The following PRICKLE2 variants were observed in gnomAD, a reference collection of about 807,000 sequenced individuals.
The protein encoded by PRICKLE2 is prickle-like protein 2.
In PRICKLE2, 21 loss-of-function variants were observed where a neutral mutation model predicts 81.4. The observed-to-expected ratio is 0.26, with a 90% CI of 0.18 to 0.37. The LOEUF is 0.37. Ranked by LOEUF, PRICKLE2 falls within the 10% of genes least tolerant of loss-of-function variation. PRICKLE2 has a pLI of 1.00. For synonymous variants in PRICKLE2, 456 were observed against 421.5 expected (o/e 1.08, Z -1.00); for missense variants, 940 against 1,109.0 (o/e 0.85, Z 2.16).
At chr3:64,213,843 G>C (rs1192198086) in intron 1 of PRICKLE2, among the ~76,000 whole-genome samples, 1 of 152,022 alleles carries the variant, frequency 6.6e-6, no homozygotes, top group East Asian at 1.9e-4. Flanking sequence ...AAGGCTCAAC[G>C]AGTTTGTGGA....
chr3:64,093,918 G>A lies in PRICKLE2; in HGVS notation c.*5133C>T, dbSNP rs1359990708. On this transcript the variant is annotated 3_prime_UTR_variant, in exon 8 of 8. Coordinates refer to ENST00000638394, the MANE Select transcript of PRICKLE2 (RefSeq NM_198859.4). ...GTTTACAAATGTATTACAGACATCA[G>A]TAAAACATCATATCCATTTTACAGG... 1 of 152,558 alleles carries A rather than the reference G, an allele frequency of 6.6e-6. No individual in the cohort carries two copies. The highest frequency in any genetic ancestry group is 1.5e-5 in the Non-Finnish European group (1 of 68,040). The allele number at this position is 152,558 out of a possible 1,614,324, so 9.5% of individuals were successfully genotyped here. A position where few individuals can be genotyped will look rare whatever the true frequency, so the allele number is the denominator to read the frequency against.
At chr3:64,203,692 TG>T (rs2078629365) in intron 1 of PRICKLE2, among the ~76,000 whole-genome samples, 1 of 151,280 alleles carries the variant, frequency 6.6e-6, no homozygotes, top group Non-Finnish European at 1.5e-5. Context: ...AAAGAGACGA[TG>T]GGGAGGGCTG....
At chr3:64,123,612 T>A (rs1384094449) in intron 7 of PRICKLE2, among the ~76,000 whole-genome samples, 1 of 152,242 alleles carries the variant, frequency 6.6e-6, no homozygotes, top group Non-Finnish European at 1.5e-5. Flanking sequence ...TCACTTTGTG[T>A]CTCTGTCACA....
intron 7 of PRICKLE2, among the ~76,000 whole-genome samples, chr3:64,122,862 G>A (rs1433793601): frequency 6.6e-6 from 1 of 152,168 alleles, no homozygotes; most frequent in East Asian, 1.9e-4. Context: ...TCTTCAGAAG[G>A]TCAGCACCTG....
At chr3:64,172,573 T>C (rs1320043369) in intron 2 of PRICKLE2, among the ~76,000 whole-genome samples, 1 of 152,234 alleles carries the variant, frequency 6.6e-6, no homozygotes, top group Non-Finnish European at 1.5e-5. Context: ...GAAGCATTAA[T>C]AAGAGGCTCA....
In PRICKLE2 at chr3:64,147,719, C is replaced by T. The variant is rs771788523; in HGVS notation, c.788-17G>A. The T allele has an allele frequency of 3.1e-6, 5 of 1,613,318 alleles. No homozygotes were observed. Among genetic ancestry groups the T allele is most frequent in the South Asian group, 1.1e-5 (1 of 91,066 alleles). On this transcript the variant is annotated splice_polypyrimidine_tract_variant and intron_variant, in intron 6 of 7. Transcript: ENST00000638394. The surrounding 1 kb of genome is among the most constrained non-coding windows in gnomAD (Gnocchi z 5.0). ...GGTCGATACCTAAAAAAATGAGAGA[C>T]ATTGGAGAGGCTGATGAGCTGCTCA...
At chr3:64,102,379 C>T (rs1575535673) in intron 7 of PRICKLE2, 1 of 152,388 alleles carries the variant, frequency 6.6e-6, no homozygotes, top group African/African-American at 2.4e-5. Context: ...CCTCTGCCTC[C>T]TGACAGATCA....
chr3:64,157,141 C>T (rs1458862066), intron 5 of PRICKLE2, 21 bp downstream of exon 5: 3 of 1,611,964 alleles, frequency 1.9e-6, no homozygotes, highest in Admixed American at 3.3e-5. Flanking sequence ...GGCAGGTAAA[C>T]CTGCTGGAGT....
At chr3:64,118,430 T>C (rs2076973111) in intron 7 of PRICKLE2, among the ~76,000 whole-genome samples, 1 of 152,128 alleles carries the variant, frequency 6.6e-6, no homozygotes, top group Non-Finnish European at 1.5e-5. Flanking sequence ...AAGGAGAACA[T>C]TTCTGCAAAC....
intron 7 of PRICKLE2, among the ~76,000 whole-genome samples, chr3:64,113,520 C>A (rs182020485): frequency 6.6e-6 from 1 of 152,148 alleles, no homozygotes; most frequent in Non-Finnish European, 1.5e-5. Flanking sequence ...CAGCCATGCA[C>A]ATGCTCCCTC....
rs145712544 is a variant in PRICKLE2 at position 64,107,538 on chromosome 3, T to C, written c.1661-7613A>G. Among the ~76,000 whole-genome samples the C allele has an allele frequency of 2.7e-3, 415 of 152,294 alleles. 13 individuals are homozygous for C. Among genetic ancestry groups the C allele is most frequent in the Admixed American group, 0.024 (364 of 15,298 alleles). On this transcript the variant is annotated intron_variant, in intron 7 of 7. Transcript: ENST00000638394. Reference sequence around the variant, plus strand: ...GCACCAGAAGACAGAGAGCTGTGTTTCTGCCAACTTCAAAGATACATTACC... The same window carrying C: ...GCACCAGAAGACAGAGAGCTGTGTTCCTGCCAACTTCAAAGATACATTACC...
At position 64,146,875 on chromosome 3, in the gene PRICKLE2, T is replaced by A; in HGVS notation, c.1615A>T (p.Thr539Ser). ...YTEDMTPTEQ[T>S]PRGSMESLAL... ...AGGGATTCCATGGAGCCCCGAGGGGTCTGCTCTGTGGGCGTCATGTCCTCT... is the reference window on the plus strand; with the variant it reads ...AGGGATTCCATGGAGCCCCGAGGGGACTGCTCTGTGGGCGTCATGTCCTCT... Residue 539 changes from threonine to serine, a missense_variant, in exon 7 of 8, where the codon ACC becomes TCC. Around this residue, in one of 2 missense-constraint regions of PRICKLE2, gnomAD observed 670 missense variants for 717.2 expected, o/e 0.93. Transcript: ENST00000638394. 6.2e-7 allele frequency: 1 copy of A among 1,613,982 alleles called. No individual in the cohort carries two copies. Among genetic ancestry groups the A allele is most frequent in the Non-Finnish European group, 8.5e-7 (1 of 1,179,998 alleles).
At chr3:64,121,004 C>T (rs1026971158) in intron 7 of PRICKLE2, among the ~76,000 whole-genome samples, 1 of 152,224 alleles carries the variant, frequency 6.6e-6, no homozygotes, top group Admixed American at 6.5e-5. Context: ...TCTTTTCCTG[C>T]TCTTGGTCTC....
chr3:64,164,757 T>C (rs556039004), intron 2 of PRICKLE2, among the ~76,000 whole-genome samples: 1 of 152,226 alleles, frequency 6.6e-6, no homozygotes, highest in South Asian at 2.1e-4. Context: ...CCAGGGGCAA[T>C]AATGAATGAT....
At chr3:64,128,429 C>A (rs1397087678) in intron 7 of PRICKLE2, among the ~76,000 whole-genome samples, 2 of 152,026 alleles carry the variant, frequency 1.3e-5, no homozygotes, top group Admixed American at 1.3e-4. Context: ...AACTGTAGAG[C>A]AAGGGGAGGG....
At chr3:64,131,883 G>C (rs926584448) in intron 7 of PRICKLE2, among the ~76,000 whole-genome samples, 2 of 152,086 alleles carry the variant, frequency 1.3e-5, no homozygotes, top group Non-Finnish European at 2.9e-5. Context: ...AAAAAAAGGG[G>C]ACCAGGGCAG....
At position 64,233,689 on chromosome 3, in the gene PRICKLE2, A is replaced by C. The variant is rs1413872828; in HGVS notation, c.129-34722T>G. On this transcript the variant is annotated intron_variant, in intron 2 of 8. Transcript: ENST00000295902. ...TTTTTCTCCTTAGATCCTTTTAAGAAGAGTTATATTGAAATATAATTAATA... is the reference window on the plus strand; with the variant it reads ...TTTTTCTCCTTAGATCCTTTTAAGACGAGTTATATTGAAATATAATTAATA... 3.9e-5 allele frequency among the ~76,000 whole-genome samples: 6 copies of C among 152,230 alleles called. No individual in the cohort carries two copies. The East Asian group carries it at 1.2e-3, about 29-fold the overall frequency.
chr3:64,198,256 A>G (rs952816738), intron 2 of PRICKLE2, among the ~76,000 whole-genome samples: 3 of 138,098 alleles, frequency 2.2e-5, no homozygotes, highest in South Asian at 2.3e-4. Flanking sequence ...ATAAATAAAT[A>G]AAACAAAAAA....
intron 1 of PRICKLE2, among the ~76,000 whole-genome samples, chr3:64,212,784 T>C (rs972110012): frequency 6.6e-6 from 1 of 152,192 alleles, no homozygotes; most frequent in African/African-American, 2.4e-5. Flanking sequence ...TCCTACCCTA[T>C]GTCTAGGGAT....
Sources: gnomAD v4.1 joint callset for allele counts (sites outside exome capture counted in the v4.1 genomes callset) on GRCh38, gnomAD v4.1.1 for gene constraint, gnomAD v4.1.1 regional missense constraint, Gnocchi (gnomAD v3.1) non-coding constraint, MANE v1.5 for transcripts, NCBI Gene and HGNC (gene_info 2026-07-23, HGNC 2026-07-21) for gene names.